Variants in MDC1 observed in about 807,000 individuals in gnomAD.
MDC1 encodes mediator of DNA damage checkpoint 1.
MDC1 carries 81 observed loss-of-function variants against 142.5 expected under a neutral mutation model. That is an observed-to-expected ratio of 0.57 (90% confidence interval 0.47 to 0.68). The LOEUF (loss-of-function observed/expected upper bound fraction) is 0.68. MDC1 is among the 30% of genes least tolerant of loss of function. The pLI is 0.00. For synonymous variants in MDC1, 797 were observed against 968.4 expected, an observed-to-expected ratio of 0.82 and a Z score of 3.29; for missense variants, 2,119 against 2,547.9, an observed-to-expected ratio of 0.83 and a Z score of 3.62.
Position 30,715,049 on chromosome 6 carries a change from G to A in MDC1, c.127C>T (p.Pro43Ser), listed in dbSNP as rs777913177. ...TCCAATACCCTCTGACCTTTTTCTG[G>A]TCCATGGGCACCACTAAAGATATGT... ...RLHIFSGAHG[P>S]EKDFPLHLGK... Residue 43 changes from proline to serine, a missense_variant, in exon 2 of 15, where the codon CCA becomes TCA. Pro to Ser is a moderately conservative substitution (Grantham distance 74). Coordinates refer to ENST00000376406, the MANE Select transcript of MDC1 (RefSeq NM_014641.3). This position sits in a 1 kb window ranked among gnomAD's most constrained non-coding sequence, Gnocchi z 4.1. The A allele has an allele frequency of 1.2e-6, 2 of 1,613,768 alleles. No homozygotes were observed. The highest frequency in any genetic ancestry group is 2.7e-5 in the African/African-American group (2 of 74,824).
chr6:30,710,601 T>C (rs1401394434), intron 7 of MDC1, among the ~76,000 whole-genome samples: 1 of 152,144 alleles, frequency 6.6e-6, no homozygotes, highest in Non-Finnish European at 1.5e-5. Flanking sequence ...TTCTCCATGT[T>C]GGTCAGGCTG....
chr6:30,702,459 A>G, intron 14 of MDC1, 94 bp downstream of exon 14: 2 of 967,714 alleles, frequency 2.1e-6, no homozygotes, highest in South Asian at 3.6e-5. Context: ...TTCCTTTCTG[A>G]ACCTCCATTT....
Position 30,716,679 on chromosome 6 carries a change from T to G in MDC1, c.-4+566A>C, listed in dbSNP as rs1775708694. Among the ~76,000 whole-genome samples the G allele has an allele frequency of 6.6e-6, 1 of 152,160 alleles. No individual in the cohort carries two copies. The highest frequency in any genetic ancestry group is 1.5e-5 in the Non-Finnish European group (1 of 68,020). On this transcript the variant is annotated intron_variant, in intron 1 of 14. Transcript: ENST00000376406. This position sits in a 1 kb window ranked among gnomAD's most constrained non-coding sequence, Gnocchi z 4.4. The stretch of plus-strand genomic sequence containing the variant: ...ATTTCTGCCTTCACACTCACCCACC[T>G]CCAGGACTGGATTAGGGGAACCGTG...
chr6:30,716,951 G>A lies in MDC1; in HGVS notation c.-4+294C>T, dbSNP rs989147949. On this transcript the variant is annotated intron_variant, in intron 1 of 14. Transcript: ENST00000376406. The surrounding 1 kb of genome is among the most constrained non-coding windows in gnomAD (Gnocchi z 4.4). ...AAGTAGGATGCCCCATGGATAAAGT[G>A]TCAACTCCGTCTTTATGACAGGCCA... is the stretch of plus-strand genomic sequence containing the variant. 2.2e-5 allele frequency: 22 copies of A among 982,744 alleles called. No individual in the cohort carries two copies. The African/African-American group carries it at 3.7e-4, about 16-fold the overall frequency. 60.9% of individuals were successfully genotyped at this position (982,744 alleles called of 1,614,324 possible).
intron 7 of MDC1, among the ~76,000 whole-genome samples, chr6:30,711,181 C>A (rs1774821535): frequency 6.6e-6 from 1 of 152,184 alleles, no homozygotes; most frequent in Non-Finnish European, 1.5e-5. Context: ...TTGTGACCAG[C>A]CTGGCCAACA....
In MDC1 at chr6:30,713,490, A is replaced by G; in HGVS notation, c.588-136T>C. On this transcript the variant is annotated intron_variant, in intron 4 of 14. Transcript: ENST00000376406. This position sits in a 1 kb window ranked among gnomAD's most constrained non-coding sequence, Gnocchi z 4.9. Reference sequence around the variant, plus strand: ...GTTTCCAATTTGTTTTCCACTTGGCACATCAGATGTGCTCCATAAAAATTC... The same window carrying G: ...GTTTCCAATTTGTTTTCCACTTGGCGCATCAGATGTGCTCCATAAAAATTC... 8.0e-7 allele frequency: 1 copy of G among 1,257,106 alleles called. No homozygotes were observed. Among genetic ancestry groups the G allele is most frequent in the Non-Finnish European group, 1.1e-6 (1 of 925,510 alleles). The allele number at this position is 1,257,106 out of a possible 1,614,324, so 77.9% of individuals were successfully genotyped here. A position where few individuals can be genotyped will look rare whatever the true frequency, so the allele number is the denominator to read the frequency against.
Position 30,707,424 on chromosome 6 carries a change from T to A in MDC1, c.3044A>T (p.Glu1015Val), listed in dbSNP as rs959656693. Residue 1015 changes from glutamate to valine, a missense_variant, in exon 9 of 15, where the codon GAG becomes GTG. Glu to Val is a moderately radical substitution (Grantham distance 121, BLOSUM62 -2). Transcript: ENST00000376406. The stretch of plus-strand genomic sequence containing the variant: ...AGCAGCTCTGATCCTGGAAGCCTTC[T>A]CAGCAGGTGGCATCTTGCAATTCAG... ...GLLNCKMPPA[E>V]KASRIRAAEK... is the part of the protein sequence containing the mutation. 4.3e-6 allele frequency: 7 copies of A among 1,613,130 alleles called. No individual in the cohort carries two copies.
intron 9 of MDC1, 86 bp downstream of exon 9, chr6:30,707,298 T>A: frequency 7.4e-7 from 1 of 1,342,676 alleles, no homozygotes; most frequent in South Asian, 1.2e-5. Flanking sequence ...GAGAAAGGAA[T>A]AGATTAAAGT....
chr6:30,715,251 A>C lies in MDC1; in HGVS notation c.-3-73T>G. 3 of 1,508,172 alleles carry C rather than the reference A, an allele frequency of 2.0e-6. No homozygotes were observed. Among genetic ancestry groups the C allele is most frequent in the East Asian group, 4.5e-5 (2 of 44,270 alleles). 93.4% of individuals were successfully genotyped at this position (1,508,172 alleles called of 1,614,324 possible). On this transcript the variant is annotated intron_variant, in intron 1 of 14. Coordinates refer to ENST00000376406, the MANE Select transcript of MDC1 (RefSeq NM_014641.3). This position sits in a 1 kb window ranked among gnomAD's most constrained non-coding sequence, Gnocchi z 4.1. ...AACAGCATCAGAGTTATCAGACTGAAAACTAGGGGGTAAACTGGATCATTA... is the reference window on the plus strand; with the variant it reads ...AACAGCATCAGAGTTATCAGACTGACAACTAGGGGGTAAACTGGATCATTA...
chr6:30,711,358 A>C, intron 7 of MDC1, 54 bp downstream of exon 7: 3 of 1,481,850 alleles, frequency 2.0e-6, no homozygotes, highest in Non-Finnish European at 2.8e-6. Context: ...GTGACAGAGG[A>C]AAAAAAAGAG....
intron 7 of MDC1, 143 bp downstream of exon 7, chr6:30,711,268 TG>T: frequency 1.5e-6 from 1 of 687,746 alleles, no homozygotes; most frequent in Non-Finnish European, 2.5e-6. Context: ...CCCAGCTACC[TG>T]GGAAGCTGAA....
intron 9 of MDC1, among the ~76,000 whole-genome samples, 184 bp from the exon 10 acceptor site, chr6:30,706,282 C>A (rs1773799714): frequency 6.6e-6 from 1 of 151,318 alleles, no homozygotes; most frequent in Non-Finnish European, 1.5e-5. Flanking sequence ...GTCAGGAGTT[C>A]AAGACCAGCC....
rs1201132029 is a variant in MDC1, at chr6:30,704,454, C to T, written c.4729G>A (p.Glu1577Lys). The T allele has an allele frequency of 6.2e-7, 1 of 1,612,294 alleles. No individual in the cohort carries two copies. The highest frequency in any genetic ancestry group is 8.5e-7 in the Non-Finnish European group (1 of 1,179,452). The change falls in exon 10 of 15, where the codon GAG becomes AAG. Residue 1577 changes from glutamate to lysine, a missense_variant. Coordinates refer to ENST00000376406, the MANE Select transcript of MDC1 (RefSeq NM_014641.3). ...TPESIVPIAP[E>K]LQPSTSRNQL... ...TTTCTGGAGGTGGAAGGCTGAAGCT[C>T]AGGGGCTATAGGGACAATTGATTCA... is the stretch of plus-strand genomic sequence containing the variant.
At chr6:30,702,256 CAAAAA>C (rs57764077) in intron 14 of MDC1, among the ~76,000 whole-genome samples, 1 of 59,146 alleles carries the variant, frequency 1.7e-5, no homozygotes, top group African/African-American at 8.4e-5. Context: ...GACTCCATCT[CAAAAA>C]AAAAAAAAAA....
At position 30,715,026 on chromosome 6, in the gene MDC1, C is replaced by G. The variant is rs780076989; in HGVS notation, c.136+14G>C. Reference sequence around the variant, plus strand: ...AGATCTATATCAATACTTGAACATCCAATACCCTCTGACCTTTTTCTGGTC... The same window carrying G: ...AGATCTATATCAATACTTGAACATCGAATACCCTCTGACCTTTTTCTGGTC... On this transcript the variant is annotated intron_variant, in intron 2 of 14. Coordinates refer to ENST00000376406, the MANE Select transcript of MDC1 (RefSeq NM_014641.3). This position sits in a 1 kb window ranked among gnomAD's most constrained non-coding sequence, Gnocchi z 4.1. The G allele has an allele frequency of 6.2e-7, 1 of 1,613,948 alleles. No homozygotes were observed. Among genetic ancestry groups the G allele is most frequent in the Admixed American group, 1.7e-5 (1 of 60,016 alleles).
Position 30,712,347 on chromosome 6 carries a change from C to T in MDC1, c.1595G>A (p.Gly532Glu), listed in dbSNP as rs139338660. ...NTQVEKEVPP[G>E]SAIIHIKKHQ... ...CTTCTTTATATGTATAATGGCTGAC[C>T]CTGGCGGGACTTCCTTCTCCACTTG... The change falls in exon 5 of 15, where the codon GGG becomes GAG. Residue 532 changes from glycine to glutamate, a missense_variant. Gly to Glu is a moderately conservative substitution (Grantham distance 98, BLOSUM62 -2). Coordinates refer to ENST00000376406, the MANE Select transcript of MDC1 (RefSeq NM_014641.3). This position sits in a 1 kb window ranked among gnomAD's most constrained non-coding sequence, Gnocchi z 4.7. 1,618 of 1,613,070 alleles carry T rather than the reference C, an allele frequency of 1.0e-3. 4 individuals are homozygous for T. Among genetic ancestry groups the T allele is most frequent in the Non-Finnish European group, 1.2e-3 (1,468 of 1,180,048 alleles).
intron 2 of MDC1, 138 bp downstream of exon 2, chr6:30,714,902 G>A (rs549438018): frequency 9.5e-6 from 8 of 845,716 alleles, no homozygotes; most frequent in East Asian, 2.7e-5. Flanking sequence ...CAACTCAATC[G>A]GCCCCATCTC....
At position 30,707,735 on chromosome 6, in the gene MDC1, T is replaced by C; in HGVS notation, c.2844A>G (p.Arg948=). 2 of 1,613,050 alleles carry C rather than the reference T, an allele frequency of 1.2e-6. No homozygotes were observed. Among genetic ancestry groups the C allele is most frequent in the South Asian group, 1.1e-5 (1 of 91,090 alleles). Residue 948 remains arginine, a synonymous_variant, in exon 8 of 15, where the codon AGA becomes AGG. Coordinates refer to ENST00000376406, the MANE Select transcript of MDC1 (RefSeq NM_014641.3). ...CCTGGCTCCCTCCCTCTGGCTCCCC[T>C]CTCTGTGTATCTCTCTCCAGGATCA... The part of the protein sequence containing the change: ...PKVILERDTQ[R]GEPEGGSQDQ...
rs756419051 is a variant in MDC1, at chr6:30,708,375, AAG to A, written c.2222-20_2222-19del. 8.5e-4 allele frequency: 1,340 copies of A among 1,577,876 alleles called. No homozygotes were observed. The highest frequency in any genetic ancestry group is 2.9e-3 in the African/African-American group (214 of 74,300). Reference sequence around the variant, plus strand: ...TAGGGTACCTGGAAGGGGAGGAAGGAAGAGAGAGAGAGGGAGAGGGAGAGAAA... The same window carrying A: ...TAGGGTACCTGGAAGGGGAGGAAGGAAGAGAGAGAGGGAGAGGGAGAGAAA... On this transcript the variant is annotated intron_variant, in intron 7 of 14. Coordinates refer to ENST00000376406, the MANE Select transcript of MDC1 (RefSeq NM_014641.3).
Sources: allele counts gnomAD v4.1 joint callset (sites outside exome capture counted in the v4.1 genomes callset), GRCh38; gene constraint gnomAD v4.1.1; non-coding constraint Gnocchi (gnomAD v3.1); transcripts MANE v1.5; gene names NCBI Gene and HGNC (gene_info 2026-07-23, HGNC 2026-07-21).